The following COPG2 variants were observed in gnomAD, a reference collection of about 807,000 sequenced individuals.
COPG2 encodes coatomer subunit gamma-2.
A neutral mutation model predicts 46.3 loss-of-function variants in COPG2; 37 were observed. The ratio of observed to expected loss-of-function variants is 0.80; its 90% CI spans 0.61 to 1.05. COPG2 has a LOEUF of 1.05. Among genes scored for constraint, COPG2 ranks in the 50% least tolerant of loss-of-function variants. The pLI, the probability that COPG2 is intolerant of heterozygous loss-of-function variation, is 0.00. For missense variants in COPG2, 427 were observed against 387.8 expected (o/e 1.10, Z -0.85); for synonymous variants, 159 against 129.7 (o/e 1.23, Z -1.53).
At chr7:130,599,680 T>C (rs1794598298) in intron 9 of COPG2, among the ~76,000 whole-genome samples, 1 of 152,144 alleles carries the variant, frequency 6.6e-6, no homozygotes. Context: ...CATGATTCTA[T>C]TGACAGAGCA....
intron 3 of COPG2, 123 bp from the exon 4 acceptor site, chr7:130,663,161 CT>C: frequency 1.7e-6 from 1 of 577,246 alleles, no homozygotes; most frequent in Non-Finnish European, 2.9e-6. Flanking sequence ...AAAAGAATCT[CT>C]TTGTAAACAT....
chr7:130,632,783 T>A (rs1195944262), intron 5 of COPG2, among the ~76,000 whole-genome samples: 2 of 152,166 alleles, frequency 1.3e-5, no homozygotes, highest in Non-Finnish European at 2.9e-5. Context: ...CTGGGATACA[T>A]GTGCGGAACA....
intron 5 of COPG2, chr7:130,645,113 T>C (rs1336977354): frequency 1.2e-5 from 5 of 427,908 alleles, no homozygotes; most frequent in East Asian, 5.9e-5. Context: ...CATCCATTTT[T>C]TCAGGTGACT....
At position 130,549,378 on chromosome 7, in the gene COPG2, T is replaced by C; in HGVS notation, c.1775-2A>G. 2.5e-6 allele frequency: 1 copy of C among 398,604 alleles called. No individual in the cohort carries two copies. The highest frequency in any genetic ancestry group is 4.4e-6 in the Non-Finnish European group (1 of 226,058). 24.7% of individuals were successfully genotyped at this position (398,604 alleles called of 1,614,324 possible). On this transcript the variant is annotated splice_acceptor_variant, in intron 17 of 23. Coordinates refer to ENST00000425248, the MANE Select transcript of COPG2 (RefSeq NM_012133.6). LOFTEE classifies it high-confidence loss of function. ...GCTTAGTAGCCACAAGTGTGATTTC[T>C]ATAAAGACAGATATGAGCAAGTAAG...
At chr7:130,587,202 G>A (rs1318070452) in intron 9 of COPG2, among the ~76,000 whole-genome samples, 2 of 151,858 alleles carry the variant, frequency 1.3e-5, no homozygotes, top group Non-Finnish European at 2.9e-5. Context: ...AGCTACCCGG[G>A]AGGCTAAGGA....
intron 9 of COPG2, chr7:130,607,553 C>A (rs1320248863): frequency 2.4e-6 from 1 of 424,324 alleles, no homozygotes; most frequent in Non-Finnish European, 4.7e-6. Flanking sequence ...TGAGTTGCAG[C>A]TGAATTCTCC....
chr7:130,531,716 A>G (rs1050545077), intron 20 of COPG2, among the ~76,000 whole-genome samples: 1,685 of 152,226 alleles, frequency 0.011, 31 homozygotes, highest in African/African-American at 0.039. Context: ...ATATTTGATT[A>G]AGAAGTTAAA....
intron 10 of COPG2, 115 bp from the exon 11 acceptor site, chr7:130,563,451 T>C (rs1362881741): frequency 5.3e-6 from 2 of 378,362 alleles, no homozygotes; most frequent in Non-Finnish European, 9.3e-6. Context: ...AATACAGATA[T>C]AGATACAGTG....
chr7:130,655,697 A>G (rs1795836192), intron 4 of COPG2, among the ~76,000 whole-genome samples: 1 of 151,942 alleles, frequency 6.6e-6, no homozygotes. Flanking sequence ...TAGGCCTGTA[A>G]TCTGTTTCTG....
intron 9 of COPG2, 168 bp downstream of exon 9, chr7:130,610,785 T>TA (rs1563058616): frequency 1.4e-6 from 1 of 727,940 alleles, no homozygotes; most frequent in Non-Finnish European, 2.4e-6. Context: ...ACAGTAAGGT[T>TA]AAAAAAAGTG....
intron 5 of COPG2, among the ~76,000 whole-genome samples, chr7:130,638,787 C>A (rs1016555562): frequency 7.9e-5 from 12 of 151,958 alleles, no homozygotes; most frequent in Non-Finnish European, 1.3e-4. Context: ...AAAAAAAAAA[C>A]TCCTGCAGCT....
intron 20 of COPG2, among the ~76,000 whole-genome samples, chr7:130,518,977 G>A (rs1258831681): frequency 7.2e-6 from 1 of 139,336 alleles, no homozygotes; most frequent in South Asian, 2.2e-4. Flanking sequence ...CTGCACTCCA[G>A]CCTGGGCAAC....
intron 5 of COPG2, among the ~76,000 whole-genome samples, chr7:130,635,344 C>T (rs1432370647): frequency 1.3e-5 from 2 of 151,790 alleles, no homozygotes; most frequent in Admixed American, 6.6e-5. Flanking sequence ...TGGTCCTGGG[C>T]TTTTTTTGGT....
rs982913290 is a variant in COPG2, at chr7:130,506,537, C to T, written c.*139G>A. 1 of 475,760 alleles carries T rather than the reference C, an allele frequency of 2.1e-6. No individual in the cohort carries two copies. The highest frequency in any genetic ancestry group is 3.9e-5 in the Admixed American group (1 of 25,508). 29.5% of individuals were successfully genotyped at this position (475,760 alleles called of 1,614,324 possible). A position where few individuals can be genotyped will look rare whatever the true frequency, so the allele number is the denominator to read the frequency against. On this transcript the variant is annotated 3_prime_UTR_variant, in exon 24 of 24. Transcript: ENST00000425248. ...CAAAGATAGACATTTGCTTGATCTG[C>T]TGGCTCAGGGCCAAATGTTTAATTT...
chr7:130,577,157 G>C (rs1794015378), intron 9 of COPG2, among the ~76,000 whole-genome samples: 1 of 152,202 alleles, frequency 6.6e-6, no homozygotes. Context: ...GAATGATTGA[G>C]AAGGAGGAGC....
At chr7:130,551,520 A>C (rs1793534477) in intron 15 of COPG2, among the ~76,000 whole-genome samples, 176 bp from the exon 16 acceptor site, 1 of 152,224 alleles carries the variant, frequency 6.6e-6, no homozygotes, top group Non-Finnish European at 1.5e-5. Context: ...ACTGCTCTGA[A>C]TTACTAAAGA....
intron 5 of COPG2, among the ~76,000 whole-genome samples, chr7:130,641,402 C>T (rs55699502): frequency 0.056 from 8,578 of 151,936 alleles, 355 homozygotes; most frequent in East Asian, 0.16. Flanking sequence ...TAGGGAATAC[C>T]AATATTTAGA....
At chr7:130,666,191 T>C (rs1563075448) in intron 3 of COPG2, among the ~76,000 whole-genome samples, 1 of 152,226 alleles carries the variant, frequency 6.6e-6, no homozygotes, top group Non-Finnish European at 1.5e-5. Context: ...AATGGTAGCA[T>C]AGGGATAATA....
chr7:130,633,659 T>C (rs1030356980), intron 5 of COPG2, among the ~76,000 whole-genome samples: 1 of 152,162 alleles, frequency 6.6e-6, no homozygotes, highest in Non-Finnish European at 1.5e-5. Context: ...TTTTCTCCCA[T>C]TCTGTAGGTT....
Sources: allele counts gnomAD v4.1 joint callset (sites outside exome capture counted in the v4.1 genomes callset), GRCh38; gene constraint gnomAD v4.1.1; transcripts MANE v1.5; gene names NCBI Gene and HGNC (gene_info 2026-07-23, HGNC 2026-07-21).